Variants in NEXMIF observed in about 807,000 individuals in gnomAD.
The protein encoded by NEXMIF is neurite extension and migration factor.
Under a neutral mutation model 62.1 loss-of-function variants are expected in NEXMIF, and 8 were observed. The ratio of observed to expected loss-of-function variants is 0.13; its 90% CI spans 0.08 to 0.23. The LOEUF (loss-of-function observed/expected upper bound fraction) is 0.23, where lower values mean the gene tolerates loss of function less well. Among genes scored for constraint, NEXMIF ranks in the 10% least tolerant of loss-of-function variants. The pLI is 1.00. For missense variants in NEXMIF, 976 were observed against 1,113.3 expected, an observed-to-expected ratio of 0.88 and a Z score of 1.75; for synonymous variants, 404 against 416.6, an observed-to-expected ratio of 0.97 and a Z score of 0.37.
chrX:74,756,462 C>T (rs1422661682), intron 1 of NEXMIF, among the ~76,000 whole-genome samples: 1 of 110,953 alleles, frequency 9.0e-6, no homozygotes, highest in African/African-American at 3.3e-5. Context: ...CATGTCCCCC[C>T]ACCCCCATTA....
At chrX:74,753,375 A>G (rs946887377) in intron 1 of NEXMIF, among the ~76,000 whole-genome samples, 3 of 111,831 alleles carry the variant, frequency 2.7e-5, no homozygotes, top group African/African-American at 9.8e-5. Flanking sequence ...GTGATTTGGT[A>G]ACACATACAC....
chrX:74,879,016 G>A (rs1401443436), intron 1 of NEXMIF, among the ~76,000 whole-genome samples: 3 of 111,175 alleles, frequency 2.7e-5, no homozygotes, highest in East Asian at 2.8e-4. Context: ...CTCCTCCCTC[G>A]CATTATTTTT....
intron 1 of NEXMIF, among the ~76,000 whole-genome samples, chrX:74,912,991 A>T (rs1489327664): frequency 2.7e-5 from 3 of 111,997 alleles, no homozygotes; most frequent in Non-Finnish European, 5.6e-5. Flanking sequence ...GCCAGATAAA[A>T]CAGAAAGTTT....
intron 1 of NEXMIF, among the ~76,000 whole-genome samples, chrX:74,767,989 A>T (rs1216049454): frequency 9.0e-6 from 1 of 110,994 alleles, no homozygotes; most frequent in Non-Finnish European, 1.9e-5. Context: ...TCTAACCTCC[A>T]GGTTTGCTGG....
At chrX:74,807,959 T>C (rs749252643) in intron 1 of NEXMIF, among the ~76,000 whole-genome samples, 7 of 112,284 alleles carry the variant, frequency 6.2e-5, no homozygotes, top group Non-Finnish European at 1.1e-4. Context: ...CATTCTTAGA[T>C]TGCTAGGAGC....
Position 74,850,686 on chromosome X carries a change from C to T in NEXMIF, c.-48+74197G>A, listed in dbSNP as rs189752279. 8.4e-3 allele frequency among the ~76,000 whole-genome samples: 929 copies of T among 110,939 alleles called. 2 individuals carry two copies. Among genetic ancestry groups the T allele is most frequent in the Non-Finnish European group, 0.013 (707 of 52,962 alleles). ...CAGAATCAAAGCCAAGGTGCCCTAC[C>T]CAGCCAACACAACAGATACATCTTC... On this transcript the variant is annotated intron_variant, in intron 1 of 3. Coordinates refer to ENST00000055682, the MANE Select transcript of NEXMIF (RefSeq NM_001008537.3).
At chrX:74,853,101 A>G (rs909621914) in intron 1 of NEXMIF, among the ~76,000 whole-genome samples, 1 of 111,228 alleles carries the variant, frequency 9.0e-6, no homozygotes, top group African/African-American at 3.3e-5. Context: ...ACAGTTGAGA[A>G]AGAATTCAAG....
chrX:74,816,914 T>C (rs954560935), intron 1 of NEXMIF, among the ~76,000 whole-genome samples: 1 of 112,374 alleles, frequency 8.9e-6, no homozygotes, highest in African/African-American at 3.2e-5. Flanking sequence ...AGTAGTAACA[T>C]ATTAAGAAGC....
At chrX:74,869,924 T>C (rs1323439556) in intron 1 of NEXMIF, among the ~76,000 whole-genome samples, 1 of 110,982 alleles carries the variant, frequency 9.0e-6, no homozygotes, top group African/African-American at 3.3e-5. Flanking sequence ...ATGCAATCCC[T>C]ATCAAAATAC....
intron 1 of NEXMIF, among the ~76,000 whole-genome samples, chrX:74,760,437 G>A (rs1233776536): frequency 2.7e-5 from 3 of 111,823 alleles, no homozygotes; most frequent in African/African-American, 9.8e-5. Flanking sequence ...GAATAGGAAC[G>A]GTGAGGGAGG....
At chrX:74,810,123 C>T (rs2080356060) in intron 1 of NEXMIF, among the ~76,000 whole-genome samples, 1 of 112,259 alleles carries the variant, frequency 8.9e-6, no homozygotes, top group African/African-American at 3.2e-5. Flanking sequence ...TAAATGGAAT[C>T]ATCCTTGTAC....
At chrX:74,839,663 G>A (rs1234544351) in intron 1 of NEXMIF, among the ~76,000 whole-genome samples, 12 of 111,851 alleles carry the variant, frequency 1.1e-4, no homozygotes, top group Non-Finnish European at 2.1e-4. Flanking sequence ...AGAACACGCG[G>A]TATTTGGTTT....
chrX:74,830,841 C>T (rs1184042904), intron 1 of NEXMIF, among the ~76,000 whole-genome samples: 1 of 111,142 alleles, frequency 9.0e-6, no homozygotes, highest in African/African-American at 3.3e-5. Context: ...TTTTTTATTC[C>T]TTTTTCAGAT....
At chrX:74,790,950 T>G (rs911789868) in intron 1 of NEXMIF, among the ~76,000 whole-genome samples, 4 of 110,883 alleles carry the variant, frequency 3.6e-5, no homozygotes, top group Non-Finnish European at 5.7e-5. Context: ...CCTCTTTTCC[T>G]AATTGAATAC....
In NEXMIF at chrX:74,734,689, T is replaced by C. The variant is rs1052734351; in HGVS notation, c.*4716A>G. The C allele has an allele frequency of 1.8e-5, 2 of 112,093 alleles. No individual in the cohort carries two copies. The highest frequency in any genetic ancestry group is 3.8e-5 in the Non-Finnish European group (2 of 53,167). The allele number at this position is 112,093 out of a possible 1,213,427, so 9.2% of individuals were successfully genotyped here. On this transcript the variant is annotated 3_prime_UTR_variant, in exon 4 of 4. Coordinates refer to ENST00000055682, the MANE Select transcript of NEXMIF (RefSeq NM_001008537.3). ...CTCATTCACACCATAAACTTTGTTCTAAACCTCTGTCTTTTACATTGTCCT... is the reference window on the plus strand; with the variant it reads ...CTCATTCACACCATAAACTTTGTTCCAAACCTCTGTCTTTTACATTGTCCT...
chrX:74,844,959 T>C (rs1036712946), intron 1 of NEXMIF, among the ~76,000 whole-genome samples: 3 of 112,491 alleles, frequency 2.7e-5, no homozygotes, highest in Non-Finnish European at 5.6e-5. Flanking sequence ...CTTGCCCTGA[T>C]TGATTAGTGT....
At chrX:74,807,602 A>C (rs1427683571) in intron 1 of NEXMIF, among the ~76,000 whole-genome samples, 1 of 111,455 alleles carries the variant, frequency 9.0e-6, no homozygotes. Flanking sequence ...AGCTGGGATT[A>C]CAGACACGTG....
chrX:74,843,955 A>T (rs752801658), intron 1 of NEXMIF, among the ~76,000 whole-genome samples: 1 of 111,841 alleles, frequency 8.9e-6, no homozygotes, highest in Non-Finnish European at 1.9e-5. Flanking sequence ...TTCTTTCAAG[A>T]TCTCTTGTAA....
chrX:74,843,572 G>A lies in NEXMIF; in HGVS notation c.-48+81311C>T, dbSNP rs190472032. ...TGGGACTACAGGCGCCTGCCAACAC[G>A]CACAGCTAATTTTTTGTATTTTTAG... On this transcript the variant is annotated intron_variant, in intron 1 of 3. Transcript: ENST00000055682. 3.1e-4 allele frequency among the ~76,000 whole-genome samples: 34 copies of A among 110,624 alleles called. No homozygotes were observed. In the East Asian group the frequency reaches 4.8e-3, roughly 16 times the overall value.
Sources: allele counts gnomAD v4.1 joint callset (sites outside exome capture counted in the v4.1 genomes callset), GRCh38; gene constraint gnomAD v4.1.1; transcripts MANE v1.5; gene names NCBI Gene and HGNC (gene_info 2026-07-23, HGNC 2026-07-21).